Variants in FRAS1 observed in about 807,000 individuals in gnomAD.
FRAS1 encodes extracellular matrix organizing protein FRAS1.
Under a neutral mutation model 435.2 loss-of-function variants are expected in FRAS1, and 290 were observed. The ratio of observed to expected loss-of-function variants is 0.67; its 90% CI spans 0.61 to 0.73. The LOEUF (loss-of-function observed/expected upper bound fraction) is 0.73. Among genes scored for constraint, FRAS1 ranks in the 30% least tolerant of loss-of-function variants. FRAS1 has a pLI of 0.00. For missense variants in FRAS1, 4,860 were observed against 5,001.5 expected (o/e 0.97, Z 0.85); for synonymous variants, 1,800 against 1,851.0 (o/e 0.97, Z 0.71).
chr4:78,511,351 G>T lies in FRAS1; in HGVS notation c.9858G>T (p.Val3286=). Residue 3286 remains valine (V), a synonymous_variant, in exon 64 of 74, where the codon GTG becomes GTT. Coordinates refer to ENST00000512123, the MANE Select transcript of FRAS1 (RefSeq NM_025074.7). ...VAKAVDKVGH[V]GTPLRSNIVT... ...AGGCTGTGGACAAGGTGGGCCATGT[G>T]GGGACCCCCTTAAGGAGCAACATTG... is the stretch of plus-strand genomic sequence containing the variant. 6.2e-7 allele frequency: 1 copy of T among 1,613,784 alleles called. No individual in the cohort carries two copies. The highest frequency in any genetic ancestry group is 8.5e-7 in the Non-Finnish European group (1 of 1,179,778).
chr4:78,361,807 G>A (rs1204938163), intron 20 of FRAS1, among the ~76,000 whole-genome samples: 1 of 152,172 alleles, frequency 6.6e-6, no homozygotes, highest in Non-Finnish European at 1.5e-5. Flanking sequence ...ACAAACAAAT[G>A]CTTTGAATCC....
chr4:78,536,731 T>G (rs1310809182), intron 71 of FRAS1, among the ~76,000 whole-genome samples: 1 of 152,138 alleles, frequency 6.6e-6, no homozygotes, highest in Non-Finnish European at 1.5e-5. Context: ...ATACTTTGCT[T>G]CCCTTAAATG....
intron 23 of FRAS1, among the ~76,000 whole-genome samples, chr4:78,371,064 A>T (rs1303995895): frequency 1.3e-5 from 2 of 148,616 alleles, no homozygotes; most frequent in African/African-American, 5.0e-5. Flanking sequence ...TGTGCTCGAG[A>T]CCACAGAATT....
chr4:78,511,869 C>A (rs1290774707), intron 64 of FRAS1, among the ~76,000 whole-genome samples: 1 of 152,198 alleles, frequency 6.6e-6, no homozygotes, highest in Admixed American at 6.5e-5. Context: ...TGCATGGCAT[C>A]TCTTCTAGGG....
rs775818786 is a variant in FRAS1 at position 78,472,279 on chromosome 4, T to A, written c.7471T>A (p.Phe2491Ile). ...GATAACGACGGGCCCTAAGCATGGC[T>A]TTGTGGAGAACAAGCTGCAGCCTGG... ...YEITTGPKHG[F>I]VENKLQPGRA... The change falls in exon 52 of 74, where the codon TTT (phenylalanine) becomes ATT (isoleucine). Residue 2491 changes from phenylalanine (F) to isoleucine (I), a missense_variant. Coordinates refer to ENST00000512123, the MANE Select transcript of FRAS1 (RefSeq NM_025074.7). The A allele has an allele frequency of 6.2e-7, 1 of 1,612,712 alleles. No individual in the cohort carries two copies. The highest frequency in any genetic ancestry group is 8.5e-7 in the Non-Finnish European group (1 of 1,179,122).
intron 19 of FRAS1, among the ~76,000 whole-genome samples, chr4:78,335,122 T>C (rs1730121351): frequency 6.6e-6 from 1 of 152,140 alleles, no homozygotes; most frequent in Admixed American, 6.5e-5. Context: ...ACTAGGGCGA[T>C]CTTTTACTTT....
intron 9 of FRAS1, among the ~76,000 whole-genome samples, chr4:78,269,793 T>C (rs184886664): frequency 6.6e-6 from 1 of 152,330 alleles, no homozygotes; most frequent in African/African-American, 2.4e-5. Context: ...TCAAATTACC[T>C]TTTGAAGAAG....
chr4:78,457,799 A>C (rs2109840968), intron 47 of FRAS1, among the ~76,000 whole-genome samples: 1 of 152,284 alleles, frequency 6.6e-6, no homozygotes, highest in Admixed American at 6.5e-5. Context: ...CTCACTGCCA[A>C]GTTCTCATTT....
chr4:78,337,349 G>A (rs1229470857), intron 19 of FRAS1, among the ~76,000 whole-genome samples: 3 of 152,128 alleles, frequency 2.0e-5, no homozygotes, highest in African/African-American at 4.8e-5. Context: ...CCTACCACTC[G>A]TGTTTCTGCT....
intron 2 of FRAS1, among the ~76,000 whole-genome samples, chr4:78,217,023 A>G (rs970688402): frequency 1.3e-5 from 2 of 152,150 alleles, no homozygotes; most frequent in South Asian, 4.1e-4. Context: ...TGTTTTTAGG[A>G]TGATGTGTTA....
intron 60 of FRAS1, among the ~76,000 whole-genome samples, chr4:78,497,543 A>G (rs1425999081): frequency 5.3e-5 from 8 of 152,220 alleles, no homozygotes; most frequent in Admixed American, 1.3e-4. Flanking sequence ...ACAAATAGTG[A>G]TAGCTCTTTT....
intron 12 of FRAS1, 23 bp from the exon 13 acceptor site, chr4:78,284,382 C>T: frequency 6.2e-7 from 1 of 1,613,084 alleles, no homozygotes; most frequent in Non-Finnish European, 8.5e-7. Flanking sequence ...CAGAGTTCTC[C>T]CCTTCTTTGT....
intron 2 of FRAS1, among the ~76,000 whole-genome samples, chr4:78,131,766 A>G (rs889882933): frequency 6.6e-6 from 1 of 152,242 alleles, no homozygotes; most frequent in Admixed American, 6.5e-5. Flanking sequence ...AGTGACTGGT[A>G]GCATACAATC....
intron 33 of FRAS1, among the ~76,000 whole-genome samples, chr4:78,420,879 C>CATATATGTATATAT (rs1314034222): frequency 2.5e-4 from 24 of 95,518 alleles, no homozygotes; most frequent in African/African-American, 9.9e-4. Context: ...ACTAATAGGA[C>CATATATGTATATAT]ATATATATAT....
chr4:78,123,955 G>A (rs1415596292), intron 2 of FRAS1, among the ~76,000 whole-genome samples: 1 of 152,120 alleles, frequency 6.6e-6, no homozygotes, highest in Non-Finnish European at 1.5e-5. Flanking sequence ...CTTCCTAATT[G>A]AATACCTTTT....
chr4:78,150,657 C>A lies in FRAS1; in HGVS notation c.108+84641C>A, dbSNP rs188127306. 5.9e-5 allele frequency among the ~76,000 whole-genome samples: 9 copies of A among 152,252 alleles called. No individual in the cohort carries two copies. In the East Asian group the frequency reaches 1.4e-3, roughly 23 times the overall value. ...ACGGATCACTTTGGTTAACTTTTAG[C>A]TACAGAAGGAAAAGTTAATAGTATC... On this transcript the variant is annotated intron_variant, in intron 2 of 73. Coordinates refer to ENST00000512123, the MANE Select transcript of FRAS1 (RefSeq NM_025074.7).
intron 30 of FRAS1, among the ~76,000 whole-genome samples, chr4:78,402,126 C>CTG (rs10656413): frequency 0.31 from 47,244 of 151,614 alleles, 7,633 homozygotes; most frequent in African/African-American, 0.39. Context: ...GGAATTAAAA[C>CTG]TGTGGAAATA....
chr4:78,119,202 C>A, intron 2 of FRAS1, among the ~76,000 whole-genome samples: 1 of 152,004 alleles, frequency 6.6e-6, no homozygotes, highest in African/African-American at 2.4e-5. Context: ...CATTGAATAT[C>A]CTCATTCTTC....
chr4:78,136,979 G>A (rs1450162830), intron 2 of FRAS1, among the ~76,000 whole-genome samples: 58 of 152,314 alleles, frequency 3.8e-4, no homozygotes, highest in African/African-American at 1.3e-3. Flanking sequence ...AGTGGAGTGG[G>A]CACCAGCACA....
Sources: allele counts gnomAD v4.1 joint callset (sites outside exome capture counted in the v4.1 genomes callset), GRCh38; gene constraint gnomAD v4.1.1; transcripts MANE v1.5; gene names NCBI Gene and HGNC (gene_info 2026-07-23, HGNC 2026-07-21).